The following AMPD3 variants were observed in gnomAD, a reference collection of about 807,000 sequenced individuals.
AMPD3 encodes the protein AMP deaminase 3.
A neutral mutation model predicts 82.3 loss-of-function variants in AMPD3; 57 were observed. That is an observed-to-expected ratio of 0.69 (90% CI 0.56 to 0.86). AMPD3 has a LOEUF of 0.86. Ranked by LOEUF, AMPD3 falls within the 40% of genes least tolerant of loss-of-function variation. The pLI is 0.00. For synonymous variants in AMPD3, 381 were observed against 394.7 expected (o/e 0.97, Z 0.41); for missense variants, 870 against 1,003.8 (o/e 0.87, Z 1.80).
intron 1 of AMPD3, 124 bp from the exon 2 acceptor site, chr11:10,461,391 C>A (rs2133823057): frequency 6.3e-7 from 1 of 1,599,608 alleles, no homozygotes; most frequent in Admixed American, 1.7e-5. Flanking sequence ...TGGTCTGGGG[C>A]ATTCCTAAGT....
At chr11:10,465,505 A>G (rs370979677) in intron 2 of AMPD3, among the ~76,000 whole-genome samples, 3 of 152,332 alleles carry the variant, frequency 2.0e-5, no homozygotes, top group African/African-American at 7.2e-5. Context: ...TGCATTTCCA[A>G]CTGAGGTACT....
intron 12 of AMPD3, chr11:10,502,001 T>C: frequency 1.0e-6 from 1 of 985,444 alleles, no homozygotes; most frequent in Non-Finnish European, 1.2e-6. Context: ...TTCCAAAGGC[T>C]GTTGTTGGAT....
intron 2 of AMPD3, among the ~76,000 whole-genome samples, chr11:10,472,272 A>C (rs992386182): frequency 6.6e-6 from 1 of 151,958 alleles, no homozygotes; most frequent in African/African-American, 2.4e-5. Flanking sequence ...GGAGGAGAAC[A>C]TCACACACTG....
At chr11:10,471,933 A>C (rs1466874070) in intron 2 of AMPD3, among the ~76,000 whole-genome samples, 10 of 152,220 alleles carry the variant, frequency 6.6e-5, no homozygotes, top group Non-Finnish European at 7.3e-5. Flanking sequence ...TTGACCCAGC[A>C]ATCCCATTAC....
chr11:10,452,125 G>T (rs1242072938), upstream of AMPD3, among the ~76,000 whole-genome samples: 1 of 152,054 alleles, frequency 6.6e-6, no homozygotes, highest in East Asian at 1.9e-4. Context: ...GTCTTCTAAG[G>T]TTCTCCTAGC....
chr11:10,478,837 T>C (rs1848819663), intron 3 of AMPD3, 107 bp downstream of exon 3: 1 of 1,249,866 alleles, frequency 8.0e-7, no homozygotes, highest in Middle Eastern at 2.6e-4. Flanking sequence ...TCCGTGGATG[T>C]CTGGGAGAAG....
chr11:10,476,157 C>T (rs533958642), intron 2 of AMPD3, among the ~76,000 whole-genome samples: 16 of 152,202 alleles, frequency 1.1e-4, no homozygotes, highest in African/African-American at 3.6e-4. Flanking sequence ...TCCTGAGATA[C>T]AAGCTGTGGT....
Position 10,496,924 on chromosome 11 carries a change from C to G in AMPD3, c.1543C>G (p.Leu515Val). The change falls in exon 10 of 15, where the codon CTC becomes GTC. Residue 515 changes from leucine to valine, a missense_variant. Transcript: ENST00000396553. ...INPQDHRELH[L>V]FLKYVTGFDS... is the part of the protein sequence containing the mutation. The stretch of plus-strand genomic sequence containing the variant: ...CCCCCAAGATCATCGAGAGCTTCAC[C>G]TCTTCCTTAAATATGTAAGTGTGGG... 6.2e-7 allele frequency: 1 copy of G among 1,614,098 alleles called. No individual in the cohort carries two copies. Among genetic ancestry groups the G allele is most frequent in the South Asian group, 1.1e-5 (1 of 91,084 alleles).
At position 10,490,545 on chromosome 11, in the gene AMPD3, A is replaced by G. The variant is rs898613828; in HGVS notation, c.940-2804A>G. On this transcript the variant is annotated intron_variant, in intron 6 of 14. Transcript: ENST00000396553. The stretch of plus-strand genomic sequence containing the variant: ...AGGTGAACACGGGGAATGCACTTGG[A>G]TCCTCTGGTGAACTGAAAACACTGA... 5 of 985,274 alleles carry G rather than the reference A, an allele frequency of 5.1e-6. No individual in the cohort carries two copies. The African/African-American group carries it at 7.0e-5, about 14-fold the overall frequency. 61.0% of individuals were successfully genotyped at this position (985,274 alleles called of 1,614,324 possible).
chr11:10,469,565 G>T (rs2133850563), intron 2 of AMPD3, among the ~76,000 whole-genome samples: 1 of 152,306 alleles, frequency 6.6e-6, no homozygotes, highest in East Asian at 1.9e-4. Flanking sequence ...TCTACCAGAG[G>T]TACAAAGAGG....
intron 14 of AMPD3, chr11:10,505,163 C>A: frequency 1.0e-6 from 1 of 985,326 alleles, no homozygotes; most frequent in Non-Finnish European, 1.2e-6. Context: ...TTTTAAAAAG[C>A]CTGATGAGGA....
upstream of AMPD3, among the ~76,000 whole-genome samples, chr11:10,453,420 G>C (rs1478236389): frequency 6.6e-6 from 1 of 152,172 alleles, no homozygotes; most frequent in Non-Finnish European, 1.5e-5. Flanking sequence ...AACTGTGAAT[G>C]AGACAGGCGA....
At chr11:10,481,871 A>G in intron 3 of AMPD3, 192 bp from the exon 4 acceptor site, 1 of 689,660 alleles carries the variant, frequency 1.4e-6, no homozygotes, top group Non-Finnish European at 2.6e-6. Context: ...GGTGTCCAAC[A>G]TAAACCATAT....
At chr11:10,494,737 T>C (rs1488370700) in intron 7 of AMPD3, 162 bp from the exon 8 acceptor site, 1 of 983,920 alleles carries the variant, frequency 1.0e-6, no homozygotes, top group East Asian at 1.1e-4. Context: ...TGAGGATCCA[T>C]GGTCCTGGTG....
chr11:10,470,674 GACAA>G (rs1439379470), intron 2 of AMPD3, among the ~76,000 whole-genome samples: 2 of 152,030 alleles, frequency 1.3e-5, no homozygotes, highest in Admixed American at 1.3e-4. Flanking sequence ...ACTAATAACA[GACAA>G]ACAGCCAAAT....
chr11:10,505,208 G>T, intron 14 of AMPD3: 1 of 985,410 alleles, frequency 1.0e-6, no homozygotes, highest in Non-Finnish European at 1.2e-6. Flanking sequence ...ATGTACGTTA[G>T]GTCCCCCGAC....
intron 2 of AMPD3, chr11:10,477,872 C>G: frequency 2.0e-6 from 2 of 985,334 alleles, no homozygotes; most frequent in Non-Finnish European, 2.4e-6. Flanking sequence ...TCCTTGGCAC[C>G]CAGTAGGTCT....
At chr11:10,487,082 C>T in intron 5 of AMPD3, 153 bp from the exon 6 acceptor site, 1 of 958,582 alleles carries the variant, frequency 1.0e-6, no homozygotes, top group Non-Finnish European at 1.2e-6. Flanking sequence ...CTCAACAGTT[C>T]AGCAGGGTCT....
intron 2 of AMPD3, among the ~76,000 whole-genome samples, chr11:10,465,763 G>A (rs1170098285): frequency 6.6e-6 from 1 of 152,114 alleles, no homozygotes; most frequent in Non-Finnish European, 1.5e-5. Context: ...CAGGGCCCTG[G>A]GTTTCAAGCA....
Sources: gnomAD v4.1 joint callset for allele counts (sites outside exome capture counted in the v4.1 genomes callset) on GRCh38, gnomAD v4.1.1 for gene constraint, MANE v1.5 for transcripts, NCBI Gene and HGNC (gene_info 2026-07-23, HGNC 2026-07-21) for gene names.